The following JAK2 variants were observed in gnomAD, a reference collection of about 807,000 sequenced individuals.
The protein encoded by JAK2 is tyrosine-protein kinase JAK2.
A neutral mutation model predicts 139.3 loss-of-function variants in JAK2; 86 were observed. That is an observed-to-expected ratio of 0.62 (90% CI 0.52 to 0.74). The LOEUF is 0.74. Ranked by LOEUF, JAK2 falls within the 30% of genes least tolerant of loss-of-function variation. The probability of loss-of-function intolerance (pLI) is 0.00; values close to 1 mark genes in which losing one functional copy is unlikely to be tolerated. For missense variants in JAK2, 1,421 were observed against 1,360.3 expected (o/e 1.04, Z -0.70); for synonymous variants, 490 against 437.7 (o/e 1.12, Z -1.49).
chr9:4,992,970 ACC>A (rs144694226), intron 2 of JAK2, among the ~76,000 whole-genome samples: 25 of 152,218 alleles, frequency 1.6e-4, no homozygotes, highest in Admixed American at 5.2e-4. Flanking sequence ...CCACCCCTGC[ACC>A]CAACCCATAT....
chr9:5,094,228 C>G (rs1419164709), intron 22 of JAK2: 2 of 152,140 alleles, frequency 1.3e-5, no homozygotes, highest in African/African-American at 4.8e-5. Context: ...TTTGCTGACC[C>G]AATAAAACTT....
intron 18 of JAK2, among the ~76,000 whole-genome samples, chr9:5,081,259 ATT>A (rs111832472): frequency 1.3e-5 from 2 of 149,816 alleles, no homozygotes; most frequent in African/African-American, 4.9e-5. Context: ...AAATTATAGT[ATT>A]TTTTTTTTGC....
chr9:5,129,942 T>TA lies in JAK2; in HGVS notation c.*3157dup, dbSNP rs1354206239. 2.0e-5 allele frequency among the ~76,000 whole-genome samples: 3 copies of TA among 152,170 alleles called. No homozygotes were observed. Among genetic ancestry groups the TA allele is most frequent in the African/African-American group, 7.2e-5 (3 of 41,464 alleles). ...AATATAAATAAAATTCTTCTTAGGT[T>TA]AAAAAATTAATTTCAGTTGTGTTTA... On this transcript the variant is annotated 3_prime_UTR_variant, in exon 25 of 25. Coordinates refer to ENST00000381652, the MANE Select transcript of JAK2 (RefSeq NM_004972.4).
intron 22 of JAK2, chr9:5,100,631 G>A (rs1334471036): frequency 6.6e-6 from 1 of 152,234 alleles, no homozygotes; most frequent in Non-Finnish European, 1.5e-5. Flanking sequence ...GTACCTTTCT[G>A]AATACATCTG....
chr9:5,029,792 C>T lies in JAK2; in HGVS notation c.236C>T (p.Pro79Leu). Residue 79 changes from proline (P) to leucine (L), a missense_variant, in exon 4 of 25, where the codon CCT becomes CTT. Coordinates refer to ENST00000381652, the MANE Select transcript of JAK2 (RefSeq NM_004972.4). Reference protein sequence around the residue: ...IAASKACGITPVYHNMFALMS... With the variant: ...IAASKACGITLVYHNMFALMS... ...TCTGCTTCTTTTCTAGGTATCACAC[C>T]TGTGTATCATAATATGTTTGCTTTA... is the stretch of plus-strand genomic sequence containing the variant. 6.2e-7 allele frequency: 1 copy of T among 1,609,606 alleles called. No homozygotes were observed. The highest frequency in any genetic ancestry group is 8.5e-7 in the Non-Finnish European group (1 of 1,177,308).
chr9:5,117,424 G>C (rs980868074), intron 22 of JAK2, among the ~76,000 whole-genome samples: 5 of 152,064 alleles, frequency 3.3e-5, no homozygotes, highest in Non-Finnish European at 5.9e-5. Context: ...GAAAGTGTGG[G>C]GACTTTAGGG....
chr9:5,089,663 G>A lies in JAK2; in HGVS notation c.2572-11G>A. On this transcript the variant is annotated splice_polypyrimidine_tract_variant and intron_variant, in intron 19 of 24. Coordinates refer to ENST00000381652, the MANE Select transcript of JAK2 (RefSeq NM_004972.4). ...CTTGGTATTTCCATCCTAATGTGAT[G>A]TGTCATTTAGGGTAATTTTGGGAGT... 7.8e-7 allele frequency: 1 copy of A among 1,283,418 alleles called. No homozygotes were observed. Among genetic ancestry groups the A allele is most frequent in the Non-Finnish European group, 1.0e-6 (1 of 994,794 alleles). The allele number at this position is 1,283,418 out of a possible 1,614,324, so 79.5% of individuals were successfully genotyped here.
At chr9:5,012,437 CATT>C (rs1389712707) in intron 2 of JAK2, among the ~76,000 whole-genome samples, 2 of 152,072 alleles carry the variant, frequency 1.3e-5, no homozygotes, top group African/African-American at 2.4e-5. Flanking sequence ...ACTACTCTCT[CATT>C]ATCAAAAATC....
chr9:5,066,579 G>C (rs553924691), intron 9 of JAK2, 99 bp from the exon 10 acceptor site: 69 of 702,696 alleles, frequency 9.8e-5, no homozygotes, highest in Non-Finnish European at 1.7e-4. Flanking sequence ...AGACAATTCT[G>C]ACAGTTTTAG....
chr9:5,058,044 A>G (rs1316667733), intron 8 of JAK2, among the ~76,000 whole-genome samples: 2 of 152,214 alleles, frequency 1.3e-5, no homozygotes, highest in Non-Finnish European at 2.9e-5. Context: ...TAATATATGT[A>G]TGTATTCTGT....
intron 4 of JAK2, among the ~76,000 whole-genome samples, chr9:5,039,407 A>G (rs1230701173): frequency 6.6e-6 from 1 of 152,142 alleles, no homozygotes; most frequent in Non-Finnish European, 1.5e-5. Flanking sequence ...TAAATAGTCT[A>G]GAGATTTTAA....
intron 23 of JAK2, chr9:5,125,818 T>G (rs1481283786): frequency 6.7e-6 from 1 of 148,490 alleles, no homozygotes; most frequent in Non-Finnish European, 1.5e-5. Context: ...TGCCTATCTT[T>G]ATATTTGTAA....
chr9:5,044,318 A>G (rs1244341562), intron 4 of JAK2, 85 bp from the exon 5 acceptor site: 4 of 794,100 alleles, frequency 5.0e-6, no homozygotes, highest in Non-Finnish European at 8.6e-6. Context: ...AATACCTTTC[A>G]GTATGCTGTA....
intron 22 of JAK2, among the ~76,000 whole-genome samples, chr9:5,118,684 G>A (rs1372130357): frequency 5.3e-5 from 8 of 152,182 alleles, no homozygotes; most frequent in Non-Finnish European, 8.8e-5. Flanking sequence ...ACTTGTTTGT[G>A]TAAGTGAGTG....
chr9:5,004,763 C>G lies in JAK2; in HGVS notation c.-25-17200C>G, dbSNP rs1047308312. Among the ~76,000 whole-genome samples the G allele has an allele frequency of 2.0e-5, 3 of 152,154 alleles. No individual in the cohort carries two copies. The South Asian group carries it at 6.2e-4, about 32-fold the overall frequency. On this transcript the variant is annotated intron_variant, in intron 2 of 24. Transcript: ENST00000381652. ...TCCCACCAAGAGTATACAAGAGTTT[C>G]TTTTTCTCCACACACTCACCAATGC... is the stretch of plus-strand genomic sequence containing the variant.
rs1470917072 is a variant in JAK2, at chr9:5,080,355, C to T, written c.2258C>T (p.Pro753Leu). The change falls in exon 17 of 25, where the codon CCT becomes CTT. Residue 753 changes from proline to leucine, a missense_variant. Pro to Leu is a moderately conservative substitution (Grantham distance 98). Transcript: ENST00000381652. ...GAAATCTGCAGTGGAGGAGATAAACCTCTAAGTGCTCTGGATTCTCAAAGA... is the reference window on the plus strand; with the variant it reads ...GAAATCTGCAGTGGAGGAGATAAACTTCTAAGTGCTCTGGATTCTCAAAGA... ...LWEICSGGDK[P>L]LSALDSQRKL... is the part of the protein sequence containing the mutation. 2 of 1,613,068 alleles carry T rather than the reference C, an allele frequency of 1.2e-6. No individual in the cohort carries two copies. Among genetic ancestry groups the T allele is most frequent in the Non-Finnish European group, 1.7e-6 (2 of 1,179,554 alleles).
Position 5,085,033 on chromosome 9 carries a change from T to C in JAK2, c.2571+3172T>C, listed in dbSNP as rs369916573. On this transcript the variant is annotated intron_variant, in intron 19 of 24. Coordinates refer to ENST00000381652, the MANE Select transcript of JAK2 (RefSeq NM_004972.4). Reference sequence around the variant, plus strand: ...GTGAGTACAATTTCTGAAAGTTGAATGAGGGCGTCTCTTTCTGGGGATGAG... The same window carrying C: ...GTGAGTACAATTTCTGAAAGTTGAACGAGGGCGTCTCTTTCTGGGGATGAG... 1.3e-4 allele frequency: 102 copies of C among 803,842 alleles called. 1 individual carries two copies. The East Asian group carries it at 2.9e-3, about 23-fold the overall frequency. The allele number at this position is 803,842 out of a possible 1,614,324, so 49.8% of individuals were successfully genotyped here. A position where few individuals can be genotyped will look rare whatever the true frequency, so the allele number is the denominator to read the frequency against.
chr9:5,018,831 C>G (rs186488216), intron 2 of JAK2, among the ~76,000 whole-genome samples: 51 of 152,120 alleles, frequency 3.4e-4, no homozygotes, highest in Admixed American at 1.4e-3. Flanking sequence ...TTTCATATAT[C>G]GTTCCATTCT....
At chr9:5,085,426 A>G (rs1016085549) in intron 19 of JAK2, 15 of 749,576 alleles carry the variant, frequency 2.0e-5, no homozygotes, top group Admixed American at 3.5e-5. Flanking sequence ...ACTGTTGGCT[A>G]TCAGGCTCGC....
Sources: allele counts gnomAD v4.1 joint callset (sites outside exome capture counted in the v4.1 genomes callset), GRCh38; gene constraint gnomAD v4.1.1; transcripts MANE v1.5; gene names NCBI Gene and HGNC (gene_info 2026-07-23, HGNC 2026-07-21).